Variants in ELOVL2 observed in about 807,000 individuals in gnomAD.
ELOVL2 encodes the protein very long chain fatty acid elongase 2.
A neutral mutation model predicts 37.7 loss-of-function variants in ELOVL2; 38 were observed. The ratio of observed to expected loss-of-function variants is 1.01; its 90% CI spans 0.78 to 1.32. ELOVL2 has a LOEUF of 1.32. Among genes scored for constraint, ELOVL2 ranks in the 40% most tolerant of loss-of-function variants. The pLI, the probability that ELOVL2 is intolerant of heterozygous loss-of-function variation, is 0.00. For missense variants in ELOVL2, 352 were observed against 363.6 expected, an observed-to-expected ratio of 0.97 and a Z score of 0.26; for synonymous variants, 115 against 122.3, an observed-to-expected ratio of 0.94 and a Z score of 0.40.
In ELOVL2 at chr6:11,037,335, A is replaced by T. The variant is rs375397860; in HGVS notation, c.3+6893T>A. ...TCTTTGACCCTGCCAAAGAAAAAAA[A>T]GGCTCCTCCCCATTGTCATAATGCA... On this transcript the variant is annotated intron_variant, in intron 1 of 7. Coordinates refer to ENST00000354666, the MANE Select transcript of ELOVL2 (RefSeq NM_017770.4). 6.4e-4 allele frequency among the ~76,000 whole-genome samples: 97 copies of T among 152,324 alleles called. 3 individuals are homozygous for T. The South Asian group carries it at 0.02, about 31-fold the overall frequency.
intron 7 of ELOVL2, among the ~76,000 whole-genome samples, chr6:10,989,112 C>T (rs1052321381): frequency 2.6e-5 from 4 of 152,172 alleles, no homozygotes; most frequent in African/African-American, 9.7e-5. Flanking sequence ...CAAATACATA[C>T]TGCAAATTGA....
chr6:11,014,521 G>A (rs1334827678), intron 1 of ELOVL2, among the ~76,000 whole-genome samples: 17 of 150,202 alleles, frequency 1.1e-4, no homozygotes, highest in African/African-American at 4.9e-5. Flanking sequence ...AAACTAAAAC[G>A]ATAGAGACAT....
At chr6:11,000,032 T>A in intron 4 of ELOVL2, 55 bp downstream of exon 4, 2 of 1,526,524 alleles carry the variant, frequency 1.3e-6, no homozygotes. Flanking sequence ...GAAAACCTCC[T>A]CTCCTTGTCA....
intron 1 of ELOVL2, among the ~76,000 whole-genome samples, chr6:11,014,111 T>C (rs918322726): frequency 2.0e-5 from 3 of 152,310 alleles, no homozygotes; most frequent in Admixed American, 6.5e-5. Context: ...AGGGAGAGCC[T>C]TATTTAACTC....
At chr6:11,034,769 G>A (rs113160247) in intron 1 of ELOVL2, among the ~76,000 whole-genome samples, 13,042 of 151,966 alleles carry the variant, frequency 0.086, 1,654 homozygotes, top group African/African-American at 0.28. Flanking sequence ...TTGGGAGGCC[G>A]AGGCGGGTGG....
At chr6:10,989,141 A>G (rs1782099633) in intron 7 of ELOVL2, among the ~76,000 whole-genome samples, 1 of 152,266 alleles carries the variant, frequency 6.6e-6, no homozygotes. Context: ...TATATAATCC[A>G]ATGATATTTT....
intron 1 of ELOVL2, among the ~76,000 whole-genome samples, chr6:11,042,358 T>G (rs1561731713): frequency 6.6e-6 from 1 of 150,786 alleles, no homozygotes; most frequent in African/African-American, 2.4e-5. Context: ...ATTTGGGTAT[T>G]AAAAAAAAAT....
intron 5 of ELOVL2, among the ~76,000 whole-genome samples, chr6:10,994,637 C>T (rs906758902): frequency 1.3e-5 from 2 of 152,116 alleles, no homozygotes; most frequent in Non-Finnish European, 2.9e-5. Flanking sequence ...GCTGAAATGC[C>T]TCGCCTCGAT....
chr6:11,030,739 G>A (rs532774069), intron 1 of ELOVL2, among the ~76,000 whole-genome samples: 2 of 152,084 alleles, frequency 1.3e-5, no homozygotes, highest in Non-Finnish European at 2.9e-5. Flanking sequence ...TGATCTGCCC[G>A]TCTCAGCCTC....
At chr6:10,994,549 T>TA (rs976563982) in intron 5 of ELOVL2, among the ~76,000 whole-genome samples, 1 of 152,146 alleles carries the variant, frequency 6.6e-6, no homozygotes, top group Non-Finnish European at 1.5e-5. Flanking sequence ...ATTCTGTTTT[T>TA]AAAAAATGGA....
chr6:11,027,160 GTC>G (rs1782852153), intron 1 of ELOVL2, among the ~76,000 whole-genome samples: 1 of 152,068 alleles, frequency 6.6e-6, no homozygotes, highest in African/African-American at 2.4e-5. Flanking sequence ...TAAGCTTACT[GTC>G]TATGTTTTAT....
chr6:11,015,794 C>T (rs948070263), intron 1 of ELOVL2: 1 of 152,174 alleles, frequency 6.6e-6, no homozygotes, highest in Non-Finnish European at 1.5e-5. Context: ...CTGATGCTGA[C>T]TGGGACTTCC....
chr6:10,983,622 T>C lies in ELOVL2; in HGVS notation c.*159A>G, dbSNP rs140688205. On this transcript the variant is annotated 3_prime_UTR_variant, in exon 8 of 8. Coordinates refer to ENST00000354666, the MANE Select transcript of ELOVL2 (RefSeq NM_017770.4). ...CTGATCAAAGCATTCAGTTAACAGA[T>C]TAACCTAATAGCAATATATTAATAC... is the stretch of plus-strand genomic sequence containing the variant. The C allele has an allele frequency of 7.5e-6, 6 of 805,112 alleles. No homozygotes were observed. In the East Asian group the frequency reaches 1.8e-4, roughly 24 times the overall value. The allele number at this position is 805,112 out of a possible 1,614,324, so 49.9% of individuals were successfully genotyped here. A position where few individuals can be genotyped will look rare whatever the true frequency, so the allele number is the denominator to read the frequency against.
intron 2 of ELOVL2, among the ~76,000 whole-genome samples, chr6:11,009,582 G>A (rs556930638): frequency 4.6e-5 from 7 of 152,164 alleles, no homozygotes; most frequent in Non-Finnish European, 1.0e-4. Context: ...TCATCTGGAG[G>A]GAGGGGTAGG....
chr6:11,010,457 G>A (rs779777399), intron 2 of ELOVL2, among the ~76,000 whole-genome samples: 1 of 152,208 alleles, frequency 6.6e-6, no homozygotes, highest in Non-Finnish European at 1.5e-5. Context: ...TAGAAGGAAA[G>A]TTACAACCCG....
At position 11,010,846 on chromosome 6, in the gene ELOVL2, T is replaced by C. The variant is rs776510525; in HGVS notation, c.4-37A>G. On this transcript the variant is annotated intron_variant, in intron 1 of 7. Transcript: ENST00000354666. ...AAGAAAAAATGATTTAAGTGTTTTT[T>C]TCTTCTTTTTTTGAAACGGTCAAAA... 3 of 1,536,158 alleles carry C rather than the reference T, an allele frequency of 2.0e-6. No individual in the cohort carries two copies. In the Admixed American group the frequency reaches 5.6e-5, roughly 29 times the overall value.
chr6:10,993,857 ATTTTTTTTTTTTTTTTT>A (rs530539525), intron 5 of ELOVL2, among the ~76,000 whole-genome samples: 1 of 79,042 alleles, frequency 1.3e-5, no homozygotes, highest in African/African-American at 4.3e-5. Flanking sequence ...CGCCCAGCTA[ATTTTTTTTTTTTTTTTT>A]TTTTTTTTTT....
In ELOVL2 at chr6:10,982,538, TAGTG is replaced by T. The variant is rs1781958083; in HGVS notation, c.*1239_*1242del. The stretch of plus-strand genomic sequence containing the variant: ...TGTTTCCATTCTTGGTAGAGTTTAG[TAGTG>T]AGTAACAGTCCTGCACTTATGGAGA... On this transcript the variant is annotated 3_prime_UTR_variant, in exon 8 of 8. Transcript: ENST00000354666. 1 of 152,210 alleles carries T rather than the reference TAGTG, an allele frequency of 6.6e-6. No individual in the cohort carries two copies. Among genetic ancestry groups the T allele is most frequent in the South Asian group, 2.1e-4 (1 of 4,832 alleles). 9.4% of individuals were successfully genotyped at this position (152,210 alleles called of 1,614,324 possible).
intron 5 of ELOVL2, among the ~76,000 whole-genome samples, chr6:10,994,622 T>TAA (rs1385790276): frequency 6.6e-6 from 1 of 152,192 alleles, no homozygotes; most frequent in African/African-American, 2.4e-5. Context: ...CAAGAAACCC[T>TAA]AAAAGCTGAA....
Sources: gnomAD v4.1 joint callset for allele counts (sites outside exome capture counted in the v4.1 genomes callset) on GRCh38, gnomAD v4.1.1 for gene constraint, MANE v1.5 for transcripts, NCBI Gene and HGNC (gene_info 2026-07-23, HGNC 2026-07-21) for gene names.